The following DNAH6 variants were observed in gnomAD, a reference collection of about 807,000 sequenced individuals.
The protein encoded by DNAH6 is axonemal beta dynein heavy chain 6.
In DNAH6, 340 loss-of-function variants were observed where a neutral mutation model predicts 491.4. That is an observed-to-expected ratio of 0.69 (90% CI 0.63 to 0.76). The LOEUF is 0.76. Among genes scored for constraint, DNAH6 ranks in the 30% least tolerant of loss-of-function variants. The probability of loss-of-function intolerance (pLI) is 0.00; values close to 1 mark genes in which losing one functional copy is unlikely to be tolerated. For synonymous variants in DNAH6, 1,603 were observed against 1,686.1 expected, an observed-to-expected ratio of 0.95 and a Z score of 1.21; for missense variants, 4,443 against 4,972.2, an observed-to-expected ratio of 0.89 and a Z score of 3.20.
At chr2:84,789,447 T>A (rs1443920853) in intron 68 of DNAH6, among the ~76,000 whole-genome samples, 5 of 152,234 alleles carry the variant, frequency 3.3e-5, no homozygotes, top group African/African-American at 1.2e-4. Flanking sequence ...CTGAAGCATT[T>A]CTTTGAAGAA....
At chr2:84,485,294 G>C in the DNAH6 span, among the ~76,000 whole-genome samples, 1 of 152,108 alleles carries the variant, frequency 6.6e-6, no homozygotes, top group Non-Finnish European at 1.5e-5. Context: ...AGCCTGGAAT[G>C]AGTTTCACTG....
intron 22 of DNAH6, among the ~76,000 whole-genome samples, chr2:84,613,143 G>A (rs934971314): frequency 6.6e-6 from 1 of 150,854 alleles, no homozygotes; most frequent in Non-Finnish European, 1.5e-5. Flanking sequence ...GAGAGAGAGA[G>A]AGTGTGTGTG....
chr2:84,713,453 TGTC>T (rs1055560607), intron 57 of DNAH6, among the ~76,000 whole-genome samples, 194 bp downstream of exon 57: 1 of 152,216 alleles, frequency 6.6e-6, no homozygotes, highest in African/African-American at 2.4e-5. Flanking sequence ...CAATCACCCT[TGTC>T]ATCACCATCT....
rs1696343049 is a variant in DNAH6, at chr2:84,705,492, T to C, written c.8472T>C (p.Asp2824=). Residue 2824 remains aspartate (D), a synonymous_variant, in exon 52 of 77, where the codon GAT becomes GAC. Coordinates refer to ENST00000389394, the MANE Select transcript of DNAH6 (RefSeq NM_001370.2). ...TATCATGTCTGTCTTTCAGGCCTGA[T>C]TGGCCATCAGCAAAGCAACTTCTTG... ...AISILLNAKP[D]WPSAKQLLGD... 3.9e-6 allele frequency: 6 copies of C among 1,545,864 alleles called. No individual in the cohort carries two copies. Among genetic ancestry groups the C allele is most frequent in the Admixed American group, 2.0e-5 (1 of 50,114 alleles).
intron 63 of DNAH6, among the ~76,000 whole-genome samples, chr2:84,761,789 T>TACACACACACACATAC: frequency 7.1e-6 from 1 of 141,784 alleles, no homozygotes; most frequent in Admixed American, 7.1e-5. Flanking sequence ...CACACACACA[T>TACACACACACACATAC]ACACACACAC....
intron 4 of DNAH6, among the ~76,000 whole-genome samples, chr2:84,541,368 A>C (rs1251672306): frequency 6.6e-6 from 1 of 152,190 alleles, no homozygotes; most frequent in Non-Finnish European, 1.5e-5. Flanking sequence ...CTACCTACCG[A>C]CTGGATTGGG....
chr2:84,765,589 T>A (rs1240422436), intron 64 of DNAH6, among the ~76,000 whole-genome samples: 1 of 152,050 alleles, frequency 6.6e-6, no homozygotes, highest in African/African-American at 2.4e-5. Flanking sequence ...GGATAAATGA[T>A]CTGTAGTTTC....
intron 33 of DNAH6, among the ~76,000 whole-genome samples, chr2:84,644,336 G>A (rs1026015176): frequency 2.6e-5 from 4 of 152,154 alleles, no homozygotes; most frequent in Admixed American, 6.5e-5. Context: ...GAAGAGCAGA[G>A]TGCTCCAGCC....
At chr2:84,703,769 C>T (rs1696166593) in intron 50 of DNAH6, among the ~76,000 whole-genome samples, 1 of 151,694 alleles carries the variant, frequency 6.6e-6, no homozygotes. Context: ...TGGCTCTGTC[C>T]CCAAGAATTG....
At chr2:84,589,078 G>A in intron 16 of DNAH6, 124 bp downstream of exon 16, 1 of 850,170 alleles carries the variant, frequency 1.2e-6, no homozygotes. Flanking sequence ...TAGTCAGCAT[G>A]CTACAAATAG....
In DNAH6 at chr2:84,694,367, A is replaced by T. The variant is rs1354452808; in HGVS notation, c.7411A>T (p.Ile2471Phe). The change falls in exon 46 of 77, where the codon ATT becomes TTT. Residue 2471 changes from isoleucine (I) to phenylalanine (F), a missense_variant. Physicochemically the swap from Ile to Phe is conservative, Grantham distance 21. Coordinates refer to ENST00000389394, the MANE Select transcript of DNAH6 (RefSeq NM_001370.2). ...AHICGYKCLQ[I>F]ELSRGYNYDS... The stretch of plus-strand genomic sequence containing the variant: ...TATATGCGGTTACAAATGTTTGCAG[A>T]TTGAACTCAGCCGGGGATATAATTA... 1 of 1,552,438 alleles carries T rather than the reference A, an allele frequency of 6.4e-7. No homozygotes were observed. The highest frequency in any genetic ancestry group is 1.4e-5 in the African/African-American group (1 of 73,204).
chr2:84,714,143 G>T (rs2104889817), intron 57 of DNAH6, among the ~76,000 whole-genome samples: 1 of 152,210 alleles, frequency 6.6e-6, no homozygotes, highest in East Asian at 1.9e-4. Flanking sequence ...CCTAGGAAAG[G>T]AACTTGACCT....
At chr2:84,715,663 T>G in intron 58 of DNAH6, 36 bp downstream of exon 58, 7 of 1,439,638 alleles carry the variant, frequency 4.9e-6, no homozygotes, top group African/African-American at 1.4e-5. Context: ...GGGAAGGGGG[T>G]ATTGTGGGTT....
intron 36 of DNAH6, among the ~76,000 whole-genome samples, chr2:84,658,760 AG>A (rs1691214237): frequency 6.6e-6 from 1 of 152,090 alleles, no homozygotes; most frequent in South Asian, 2.1e-4. Flanking sequence ...GCATTTAAAA[AG>A]TTATAATAAT....
intron 55 of DNAH6, 94 bp from the exon 56 acceptor site, chr2:84,710,193 G>T: frequency 6.9e-7 from 1 of 1,455,080 alleles, no homozygotes; most frequent in Non-Finnish European, 9.1e-7. Context: ...TTTCTAGATT[G>T]AATAACATTT....
At chr2:84,790,473 T>A (rs1278039414) in intron 68 of DNAH6, among the ~76,000 whole-genome samples, 1 of 152,176 alleles carries the variant, frequency 6.6e-6, no homozygotes, top group African/African-American at 2.4e-5. Flanking sequence ...AAGAAAATAT[T>A]TGCAAATCAT....
At chr2:84,783,188 A>G (rs1315881920) in intron 65 of DNAH6, among the ~76,000 whole-genome samples, 1 of 152,168 alleles carries the variant, frequency 6.6e-6, no homozygotes, top group African/African-American at 2.4e-5. Flanking sequence ...TAACACCTCC[A>G]CAGAGTTCTG....
chr2:84,590,417 C>T (rs1444383374), intron 16 of DNAH6, among the ~76,000 whole-genome samples: 3 of 151,522 alleles, frequency 2.0e-5, no homozygotes, highest in African/African-American at 4.9e-5. Flanking sequence ...ATCACTTGAT[C>T]CCAGGAGGTG....
intron 11 of DNAH6, among the ~76,000 whole-genome samples, chr2:84,566,339 C>A (rs576965416): frequency 6.6e-6 from 1 of 152,076 alleles, no homozygotes; most frequent in Admixed American, 6.6e-5. Context: ...GAAAATACTT[C>A]TTTCATAATA....
Sources: allele counts gnomAD v4.1 joint callset (sites outside exome capture counted in the v4.1 genomes callset), GRCh38; gene constraint gnomAD v4.1.1; transcripts MANE v1.5; gene names NCBI Gene and HGNC (gene_info 2026-07-23, HGNC 2026-07-21).